STAG1: variants seen among roughly 807,000 people sequenced by gnomAD.
The protein encoded by STAG1 is STAG1 cohesin complex component.
STAG1 carries 26 observed loss-of-function variants against 170.9 expected under a neutral mutation model. That is an observed-to-expected ratio of 0.15 (90% CI 0.11 to 0.21). STAG1 has a LOEUF of 0.21. Among genes scored for constraint, STAG1 ranks in the 10% least tolerant of loss-of-function variants. STAG1 has a pLI of 1.00. For synonymous variants in STAG1, 514 were observed against 497.7 expected (o/e 1.03, Z -0.44); for missense variants, 964 against 1,509.5 (o/e 0.64, Z 5.99).
At chr3:136,602,546 ATTC>A (rs757286977) in intron 4 of STAG1, among the ~76,000 whole-genome samples, 18 of 151,810 alleles carry the variant, frequency 1.2e-4, no homozygotes, top group Non-Finnish European at 1.9e-4. Flanking sequence ...CTTGTTAACA[ATTC>A]TTCTATTAAA....
chr3:136,619,461 T>C (rs775624151), intron 3 of STAG1, among the ~76,000 whole-genome samples: 1 of 151,780 alleles, frequency 6.6e-6, no homozygotes, highest in Admixed American at 6.6e-5. Context: ...ATTTGCAATG[T>C]TAAACACATC....
chr3:136,339,273 C>T (rs773423406), intron 32 of STAG1, among the ~76,000 whole-genome samples: 12 of 152,238 alleles, frequency 7.9e-5, no homozygotes, highest in Non-Finnish European at 1.6e-4. Context: ...CAGGCATGGT[C>T]GCTCACACCT....
At chr3:136,665,511 G>C (rs1941728618) in intron 1 of STAG1, among the ~76,000 whole-genome samples, 1 of 152,144 alleles carries the variant, frequency 6.6e-6, no homozygotes, top group Non-Finnish European at 1.5e-5. Flanking sequence ...CAGGCGCAGA[G>C]GCTCACACCT....
intron 13 of STAG1, among the ~76,000 whole-genome samples, chr3:136,462,339 A>G (rs1426669334): frequency 6.6e-6 from 1 of 152,202 alleles, no homozygotes; most frequent in Non-Finnish European, 1.5e-5. Context: ...GTATATATAC[A>G]CAATGGAATA....
rs192069890 is a variant in STAG1 at position 136,687,097 on chromosome 3, T to C, written c.-83-56116A>G. ...AGAGGTGACAACCAATGTTCAGATT[T>C]TGCTAATTTAAATCCAGAAATATCT... On this transcript the variant is annotated intron_variant, in intron 1 of 33. Transcript: ENST00000383202. 3.3e-5 allele frequency among the ~76,000 whole-genome samples: 5 copies of C among 152,330 alleles called. No individual in the cohort carries two copies. In the East Asian group the frequency reaches 9.6e-4, roughly 29 times the overall value.
At chr3:136,607,415 T>C (rs1392829690) in intron 3 of STAG1, among the ~76,000 whole-genome samples, 1 of 152,226 alleles carries the variant, frequency 6.6e-6, no homozygotes, top group Non-Finnish European at 1.5e-5. Flanking sequence ...TTTTGTTTTC[T>C]TTTTGGAGAC....
intron 4 of STAG1, among the ~76,000 whole-genome samples, chr3:136,586,535 T>G (rs1937833922): frequency 6.6e-6 from 1 of 152,222 alleles, no homozygotes; most frequent in Non-Finnish European, 1.5e-5. Flanking sequence ...TAGGTGTAAC[T>G]GAACAGAGGC....
At chr3:136,598,970 A>G (rs1938555395) in intron 4 of STAG1, among the ~76,000 whole-genome samples, 1 of 152,140 alleles carries the variant, frequency 6.6e-6, no homozygotes, top group African/African-American at 2.4e-5. Context: ...ATCAAAGGAA[A>G]TTTGTCTGGA....
intron 3 of STAG1, among the ~76,000 whole-genome samples, chr3:136,613,326 A>AAAAAG (rs1939405483): frequency 6.6e-6 from 1 of 150,736 alleles, no homozygotes; most frequent in Non-Finnish European, 1.5e-5. Flanking sequence ...AAAAAAAAAA[A>AAAAAG]AAAAAAAAAG....
chr3:136,530,957 T>G (rs1935337744), intron 6 of STAG1, among the ~76,000 whole-genome samples: 1 of 151,854 alleles, frequency 6.6e-6, no homozygotes, highest in Non-Finnish European at 1.5e-5. Flanking sequence ...ATACAAAAAT[T>G]AGCTGGGTGT....
chr3:136,747,445 T>C (rs1005577732), intron 1 of STAG1, among the ~76,000 whole-genome samples: 3 of 152,140 alleles, frequency 2.0e-5, no homozygotes, highest in African/African-American at 7.2e-5. Context: ...TCCCAGCACC[T>C]TGGGAGGCCA....
chr3:136,733,314 G>C (rs1474558109), intron 1 of STAG1, among the ~76,000 whole-genome samples: 1 of 151,720 alleles, frequency 6.6e-6, no homozygotes, highest in Non-Finnish European at 1.5e-5. Context: ...TCAAACTTCT[G>C]AGCTCAAATG....
chr3:136,620,758 A>G (rs777533654), intron 3 of STAG1, among the ~76,000 whole-genome samples: 14 of 152,344 alleles, frequency 9.2e-5, no homozygotes, highest in Admixed American at 2.0e-4. Flanking sequence ...AATAAAACAA[A>G]TTTCTAGAAT....
chr3:136,410,121 C>A (rs1256627354), intron 21 of STAG1, among the ~76,000 whole-genome samples: 2 of 151,458 alleles, frequency 1.3e-5, no homozygotes, highest in African/African-American at 4.9e-5. Flanking sequence ...GTTTGCTGGC[C>A]GGGCATGGTG....
chr3:136,372,477 C>G (rs1336517717), intron 23 of STAG1, among the ~76,000 whole-genome samples: 7 of 152,150 alleles, frequency 4.6e-5, no homozygotes, highest in Non-Finnish European at 1.0e-4. Flanking sequence ...ATGATATTGA[C>G]TGTGGGTTTG....
chr3:136,374,994 C>T (rs1465721090), intron 23 of STAG1, among the ~76,000 whole-genome samples: 1 of 152,058 alleles, frequency 6.6e-6, no homozygotes, highest in Admixed American at 6.6e-5. Context: ...ATCTATACTA[C>T]TCAGTATAGT....
At chr3:136,561,715 A>G (rs529900403) in intron 5 of STAG1, among the ~76,000 whole-genome samples, 42 of 152,322 alleles carry the variant, frequency 2.8e-4, no homozygotes, top group African/African-American at 1.0e-3. Context: ...TGCATATCCA[A>G]TATAATGTTA....
intron 13 of STAG1, among the ~76,000 whole-genome samples, chr3:136,460,196 A>G (rs1190045262): frequency 6.6e-6 from 1 of 152,208 alleles, no homozygotes; most frequent in Non-Finnish European, 1.5e-5. Flanking sequence ...CAAGAGAAAT[A>G]CAAAGGATCA....
intron 4 of STAG1, among the ~76,000 whole-genome samples, chr3:136,592,527 G>A (rs910598132): frequency 1.3e-5 from 2 of 151,800 alleles, no homozygotes; most frequent in Admixed American, 6.6e-5. Flanking sequence ...TGATAGCCAT[G>A]TGAGAACAAA....
Sources: allele counts gnomAD v4.1 joint callset (sites outside exome capture counted in the v4.1 genomes callset), GRCh38; gene constraint gnomAD v4.1.1; transcripts MANE v1.5; gene names NCBI Gene and HGNC (gene_info 2026-07-23, HGNC 2026-07-21).